TRPM6: variants seen among roughly 807,000 people sequenced by gnomAD.
TRPM6 encodes the protein channel kinase 2.
In TRPM6, 111 loss-of-function variants were observed where a neutral mutation model predicts 247.6. The observed-to-expected ratio is 0.45, with a 90% CI of 0.38 to 0.52. TRPM6 has a LOEUF of 0.52. Ranked by LOEUF, TRPM6 falls within the 20% of genes least tolerant of loss-of-function variation. The pLI, the probability that TRPM6 is intolerant of heterozygous loss-of-function variation, is 0.00. For missense variants in TRPM6, 2,126 were observed against 2,421.5 expected (o/e 0.88, Z 2.56); for synonymous variants, 892 against 853.8 (o/e 1.04, Z -0.78).
chr9:74,804,512 G>C (rs1365390876), intron 14 of TRPM6: 2 of 712,820 alleles, frequency 2.8e-6, no homozygotes, highest in African/African-American at 3.5e-5. Context: ...ATCCTGAAGA[G>C]ATTGAAAAAG....
chr9:74,726,565 T>C (rs1825333738), intron 38 of TRPM6, among the ~76,000 whole-genome samples: 2 of 152,166 alleles, frequency 1.3e-5, no homozygotes, highest in Middle Eastern at 6.8e-3. Flanking sequence ...AAAAAAATTA[T>C]CTCAACCTTA....
At chr9:74,851,755 A>AT (rs1357941765) in intron 3 of TRPM6, among the ~76,000 whole-genome samples, 5 of 139,024 alleles carry the variant, frequency 3.6e-5, no homozygotes, top group African/African-American at 1.4e-4. Context: ...TCTCAAAAAA[A>AT]AAAAAAAAAT....
At chr9:74,753,930 A>C (rs1422176259) in intron 28 of TRPM6, among the ~76,000 whole-genome samples, 3 of 152,020 alleles carry the variant, frequency 2.0e-5, no homozygotes, top group Non-Finnish European at 4.4e-5. Context: ...TGATCATCTG[A>C]CTTAATGAGA....
chr9:74,886,236 C>T (rs58586447), intron 1 of TRPM6, among the ~76,000 whole-genome samples: 11,005 of 152,226 alleles, frequency 0.072, 646 homozygotes, highest in African/African-American at 0.16. Flanking sequence ...AACTCCTACC[C>T]TAGATGGTTA....
intron 20 of TRPM6, among the ~76,000 whole-genome samples, chr9:74,788,157 A>G (rs1827764828): frequency 6.6e-6 from 1 of 152,116 alleles, no homozygotes; most frequent in Non-Finnish European, 1.5e-5. Context: ...AAAACTATAA[A>G]CATATTCCTT....
intron 1 of TRPM6, among the ~76,000 whole-genome samples, chr9:74,874,756 T>G (rs1475821760): frequency 6.9e-6 from 1 of 144,332 alleles, no homozygotes. Context: ...ATTTTGTAAT[T>G]GTATTTTTTT....
At chr9:74,856,851 G>A (rs1247870489) in intron 2 of TRPM6, among the ~76,000 whole-genome samples, 1 of 152,008 alleles carries the variant, frequency 6.6e-6, no homozygotes, top group Non-Finnish European at 1.5e-5. Context: ...CTAAAAAAAA[G>A]GCTGGCTAGA....
intron 5 of TRPM6, among the ~76,000 whole-genome samples, chr9:74,837,648 G>A (rs1245022271): frequency 1.3e-5 from 2 of 151,514 alleles, no homozygotes; most frequent in African/African-American, 2.4e-5. Flanking sequence ...GGGTTTCACC[G>A]TGTTGGCCAG....
intron 3 of TRPM6, among the ~76,000 whole-genome samples, chr9:74,848,775 T>C (rs1830187845): frequency 6.6e-6 from 1 of 152,186 alleles, no homozygotes; most frequent in Non-Finnish European, 1.5e-5. Flanking sequence ...TTCCATGGAC[T>C]ACGTAAGGTG....
chr9:74,788,750 G>A lies in TRPM6; in HGVS notation c.2539-8C>T, dbSNP rs1225988869. On this transcript the variant is annotated splice_region_variant and splice_polypyrimidine_tract_variant and intron_variant, in intron 19 of 38. Coordinates refer to ENST00000360774, the MANE Select transcript of TRPM6 (RefSeq NM_017662.5). ...GAATGCCAAATACGCCATCTGTGAG[G>A]GGGACACACATTCCCCAGATGTGAG... is the stretch of plus-strand genomic sequence containing the variant. The A allele has an allele frequency of 6.2e-7, 1 of 1,613,478 alleles. No individual in the cohort carries two copies. Among genetic ancestry groups the A allele is most frequent in the Non-Finnish European group, 8.5e-7 (1 of 1,179,760 alleles).
chr9:74,750,785 A>T, intron 29 of TRPM6, 63 bp from the exon 30 acceptor site: 1 of 1,436,318 alleles, frequency 7.0e-7, no homozygotes, highest in Non-Finnish European at 9.8e-7. Flanking sequence ...AGTTTCTAGG[A>T]ATGATCTGCC....
chr9:74,841,312 G>C (rs1048763210), intron 4 of TRPM6, among the ~76,000 whole-genome samples: 1 of 152,084 alleles, frequency 6.6e-6, no homozygotes, highest in Non-Finnish European at 1.5e-5. Context: ...AGATGAATTT[G>C]CCTCCCTCAA....
chr9:74,806,549 GAATT>G (rs1392179852), intron 14 of TRPM6, among the ~76,000 whole-genome samples: 4 of 152,162 alleles, frequency 2.6e-5, no homozygotes, highest in Non-Finnish European at 4.4e-5. Flanking sequence ...ATTGTAATAT[GAATT>G]AATAGTGTCA....
intron 30 of TRPM6, among the ~76,000 whole-genome samples, chr9:74,748,940 A>G (rs1826143335): frequency 6.6e-6 from 1 of 152,194 alleles, no homozygotes; most frequent in Admixed American, 6.5e-5. Flanking sequence ...CCAGTCCTGC[A>G]AGCTCCATTC....
chr9:74,788,520 T>C lies in TRPM6; in HGVS notation c.2667+94A>G, dbSNP rs555510261. The C allele has an allele frequency of 8.2e-6, 12 of 1,468,118 alleles. No individual in the cohort carries two copies. In the East Asian group the frequency reaches 2.3e-4, roughly 28 times the overall value. 90.9% of individuals were successfully genotyped at this position (1,468,118 alleles called of 1,614,324 possible). A position where few individuals can be genotyped will look rare whatever the true frequency, so the allele number is the denominator to read the frequency against. On this transcript the variant is annotated intron_variant, in intron 20 of 38. Coordinates refer to ENST00000360774, the MANE Select transcript of TRPM6 (RefSeq NM_017662.5). ...CCTGTCTTCCCCCACCCTTGACATG[T>C]CCATTTTCATCACCAGAGCCAAGGA... is the stretch of plus-strand genomic sequence containing the variant.
rs200978309 is a variant in TRPM6, at chr9:74,821,845, A to G, written c.842-8T>C. On this transcript the variant is annotated splice_polypyrimidine_tract_variant and splice_region_variant and intron_variant, in intron 7 of 38. Transcript: ENST00000360774. ...GCACGCCTTGTCTTGAGCCTATTCC[A>G]GACCACAAACAATACCACACTGTTA... 1.1e-5 allele frequency: 18 copies of G among 1,613,902 alleles called. No individual in the cohort carries two copies. Among genetic ancestry groups the G allele is most frequent in the Non-Finnish European group, 1.5e-5 (18 of 1,179,966 alleles).
At chr9:74,882,037 T>C (rs1564065496) in intron 1 of TRPM6, among the ~76,000 whole-genome samples, 1 of 152,146 alleles carries the variant, frequency 6.6e-6, no homozygotes, top group Non-Finnish European at 1.5e-5. Flanking sequence ...TCTCACCATA[T>C]ACAAAAATCA....
chr9:74,844,831 T>C (rs1379615786), intron 3 of TRPM6, among the ~76,000 whole-genome samples: 2 of 152,218 alleles, frequency 1.3e-5, no homozygotes, highest in Non-Finnish European at 2.9e-5. Context: ...CCTTCCTCAC[T>C]AAGCTTAATT....
intron 37 of TRPM6, among the ~76,000 whole-genome samples, chr9:74,730,400 TC>T (rs1825482505): frequency 6.6e-6 from 1 of 152,206 alleles, no homozygotes; most frequent in Non-Finnish European, 1.5e-5. Flanking sequence ...GAATATCTTC[TC>T]TTTTGGTAGA....
Sources: gnomAD v4.1 joint callset for allele counts (sites outside exome capture counted in the v4.1 genomes callset) on GRCh38, gnomAD v4.1.1 for gene constraint, MANE v1.5 for transcripts, NCBI Gene and HGNC (gene_info 2026-07-23, HGNC 2026-07-21) for gene names.